The following AKAP9 variants were observed in gnomAD, a reference collection of about 807,000 sequenced individuals.
AKAP9 encodes A-kinase anchor protein 9.
A neutral mutation model predicts 488.5 loss-of-function variants in AKAP9; 311 were observed. That is an observed-to-expected ratio of 0.64 (90% CI 0.58 to 0.70). The LOEUF (loss-of-function observed/expected upper bound fraction) is 0.70, where lower values mean the gene tolerates loss of function less well. AKAP9 is among the 30% of genes least tolerant of loss of function. The pLI is 0.00. For synonymous variants in AKAP9, 1,462 were observed against 1,483.5 expected (o/e 0.99, Z 0.33); for missense variants, 4,215 against 4,374.5 (o/e 0.96, Z 1.03).
At position 92,012,973 on chromosome 7, in the gene AKAP9, A is replaced by ATTTTTTTTT. The variant is rs749688986; in HGVS notation, c.3532+359_3532+367dup. Among the ~76,000 whole-genome samples, 31 of 60,754 alleles carry ATTTTTTTTT rather than the reference A, an allele frequency of 5.1e-4. 4 individuals carry two copies. The highest frequency in any genetic ancestry group is 6.9e-4 in the African/African-American group (9 of 13,038). 39.9% of individuals were successfully genotyped at this position (60,754 alleles called of 152,430 possible). The stretch of plus-strand genomic sequence containing the variant: ...GGTGGTAGACAGTGGTGGGGTTGGA[A>ATTTTTTTTT]TTTTTTTTTTTTTTTTTTTTTTTTT... On this transcript the variant is annotated intron_variant, in intron 9 of 49. Coordinates refer to ENST00000356239, the MANE Select transcript of AKAP9 (RefSeq NM_005751.5).
chr7:91,970,970 T>C (rs146296819), intron 1 of AKAP9, among the ~76,000 whole-genome samples: 37 of 152,236 alleles, frequency 2.4e-4, no homozygotes, highest in African/African-American at 8.7e-4. Flanking sequence ...TTATATTATG[T>C]AGTGCTGAAA....
At chr7:92,030,038 T>A in intron 15 of AKAP9, 47 bp downstream of exon 15, 1 of 1,253,858 alleles carries the variant, frequency 8.0e-7, no homozygotes, top group East Asian at 2.5e-5. Flanking sequence ...ATACACTGAT[T>A]TTTCTATCAT....
At chr7:92,102,233 T>C (rs1312539855) in intron 45 of AKAP9, among the ~76,000 whole-genome samples, 2 of 147,782 alleles carry the variant, frequency 1.4e-5, no homozygotes, top group African/African-American at 2.5e-5. Flanking sequence ...TAAAAATAGC[T>C]CTGTACAATT....
Position 92,001,310 on chromosome 7 carries a change from A to C in AKAP9, c.1393A>C (p.Thr465Pro). Reference protein sequence around the residue: ...QHMAQMEEMKTRHKGEMENAL... With the variant: ...QHMAQMEEMKPRHKGEMENAL... ...CATGGCACAGATGGAGGAAATGAAA[A>C]CACGGCATAAGGGAGAAATGGAGAA... The change falls in exon 8 of 50, where the codon ACA becomes CCA. Residue 465 changes from threonine (T) to proline (P), a missense_variant. Thr to Pro is a conservative substitution (Grantham distance 38). Coordinates refer to ENST00000356239, the MANE Select transcript of AKAP9 (RefSeq NM_005751.5). 6.2e-7 allele frequency: 1 copy of C among 1,614,014 alleles called. No individual in the cohort carries two copies. The highest frequency in any genetic ancestry group is 2.2e-5 in the East Asian group (1 of 44,880).
At chr7:92,015,994 G>T (rs914845240) in intron 10 of AKAP9, 135 bp from the exon 11 acceptor site, 2 of 657,912 alleles carry the variant, frequency 3.0e-6, no homozygotes, top group Admixed American at 2.5e-5. Flanking sequence ...ATTGATAAGG[G>T]TATGGAGAGA....
chr7:91,983,484 C>A (rs1347183108), intron 3 of AKAP9, among the ~76,000 whole-genome samples: 6 of 152,156 alleles, frequency 3.9e-5, no homozygotes, highest in Non-Finnish European at 8.8e-5. Flanking sequence ...CAAGTTTTTG[C>A]TATTGTGAAT....
rs1477036337 is a variant in AKAP9, at chr7:92,007,722, T to A, written c.3318+4487T>A. Among the ~76,000 whole-genome samples the A allele has an allele frequency of 2.0e-5, 3 of 152,180 alleles. No individual in the cohort carries two copies. In the East Asian group the frequency reaches 5.8e-4, roughly 29 times the overall value. On this transcript the variant is annotated intron_variant, in intron 8 of 49. Coordinates refer to ENST00000356239, the MANE Select transcript of AKAP9 (RefSeq NM_005751.5). ...TTCAACTTAGTAATTGGTTTATAGT[T>A]TATCTGGAGAAGAAATGCACAAGAA... is the stretch of plus-strand genomic sequence containing the variant.
chr7:92,025,150 T>G (rs75237609), intron 14 of AKAP9, among the ~76,000 whole-genome samples: 1,607 of 152,314 alleles, frequency 0.011, 25 homozygotes, highest in African/African-American at 0.037. Flanking sequence ...CTTTCTGATA[T>G]GAAACAAAAT....
At chr7:91,949,335 CT>C (rs1296519917) in intron 1 of AKAP9, among the ~76,000 whole-genome samples, 13 of 151,918 alleles carry the variant, frequency 8.6e-5, no homozygotes, top group Non-Finnish European at 1.6e-4. Flanking sequence ...GTGATAGGTT[CT>C]TGGTGAGTTG....
chr7:91,944,765 T>C (rs1276206081), intron 1 of AKAP9, among the ~76,000 whole-genome samples: 1 of 152,238 alleles, frequency 6.6e-6, no homozygotes, highest in East Asian at 1.9e-4. Context: ...ATGACCATTA[T>C]CCAGAACAGG....
At chr7:91,966,954 T>C (rs1794502430) in intron 1 of AKAP9, among the ~76,000 whole-genome samples, 1 of 152,204 alleles carries the variant, frequency 6.6e-6, no homozygotes, top group Non-Finnish European at 1.5e-5. Context: ...TCCACAAACA[T>C]GGATTTCTTT....
intron 11 of AKAP9, 96 bp downstream of exon 11, chr7:92,016,363 C>T (rs1801511419): frequency 2.2e-6 from 2 of 911,966 alleles, no homozygotes; most frequent in East Asian, 5.4e-5. Context: ...ATCACCCAGC[C>T]AAGTTGTTTT....
At position 92,096,958 on chromosome 7, in the gene AKAP9, A is replaced by G; in HGVS notation, c.9999A>G (p.Gly3333=). ...AGCTGCAGAGCAGTGATGGTACTGG[A>G]CAGTCTCGGCCACCCTTGCCCTCAG... ...HAQLQSSDGT[G]QSRPPLPSED... The change falls in exon 41 of 50, where the codon GGA becomes GGG. Residue 3333 remains glycine (G), a synonymous_variant. Coordinates refer to ENST00000356239, the MANE Select transcript of AKAP9 (RefSeq NM_005751.5). 3 of 1,614,204 alleles carry G rather than the reference A, an allele frequency of 1.9e-6. No individual in the cohort carries two copies. The highest frequency in any genetic ancestry group is 2.5e-6 in the Non-Finnish European group (3 of 1,179,998).
Position 92,038,478 on chromosome 7 carries a change from G to A in AKAP9, c.4398G>A (p.Gly1466=), listed in dbSNP as rs1563028015. The A allele has an allele frequency of 1.9e-6, 3 of 1,613,822 alleles. No homozygotes were observed. The highest frequency in any genetic ancestry group is 1.7e-5 in the Admixed American group (1 of 59,998). The change falls in exon 17 of 50, where the codon GGG becomes GGA. Residue 1466 remains glycine (G), a synonymous_variant. Coordinates refer to ENST00000356239, the MANE Select transcript of AKAP9 (RefSeq NM_005751.5). ...AAACTGAACTGTCTAGAATATCTGG[G>A]GGAAAAGAAAATACTGCATCATCAA... The part of the protein sequence containing the change: ...AQQTELSRIS[G]GKENTASSKQ...
chr7:92,000,960 T>C lies in AKAP9; in HGVS notation c.1043T>C (p.Leu348Pro). The C allele has an allele frequency of 6.6e-7, 1 of 1,525,388 alleles. No individual in the cohort carries two copies. Among genetic ancestry groups the C allele is most frequent in the Non-Finnish European group, 8.8e-7 (1 of 1,134,142 alleles). 94.5% of individuals were successfully genotyped at this position (1,525,388 alleles called of 1,614,324 possible). The change falls in exon 8 of 50, where the codon CTA becomes CCA. Residue 348 changes from leucine to proline, a missense_variant. Around this residue, in one of 5 missense-constraint regions of AKAP9, gnomAD observed 2,361 missense variants for 2,430.0 expected, o/e 0.97. Transcript: ENST00000356239. ...IIEEEKKTLELKDKLTTADKL... is the reference protein window; with the variant it reads ...IIEEEKKTLEPKDKLTTADKL... ...GAAGAAGAAAAGAAAACTCTTGAGCTAAAGGATAAATTAACAACTGCTGAT... is the reference window on the plus strand; with the variant it reads ...GAAGAAGAAAAGAAAACTCTTGAGCCAAAGGATAAATTAACAACTGCTGAT...
intron 1 of AKAP9, among the ~76,000 whole-genome samples, chr7:91,968,029 C>T (rs1016892364): frequency 2.0e-5 from 3 of 152,132 alleles, no homozygotes; most frequent in Non-Finnish European, 4.4e-5. Flanking sequence ...CCTCTGCCTC[C>T]TGGGCTCAAG....
At chr7:91,989,181 T>A (rs1797471260) in intron 3 of AKAP9, among the ~76,000 whole-genome samples, 1 of 152,194 alleles carries the variant, frequency 6.6e-6, no homozygotes, top group African/African-American at 2.4e-5. Context: ...CTGATAATAT[T>A]TGATTAGAAC....
At chr7:92,063,432 C>CTTTTTTTTTTT (rs35933206) in intron 24 of AKAP9, 1 of 837,778 alleles carries the variant, frequency 1.2e-6, no homozygotes. Flanking sequence ...TTTGTTGTGT[C>CTTTTTTTTTTT]TTTTTTTTTT....
At chr7:91,947,312 A>G (rs1254523406) in intron 1 of AKAP9, among the ~76,000 whole-genome samples, 1 of 151,992 alleles carries the variant, frequency 6.6e-6, no homozygotes, top group African/African-American at 2.4e-5. Flanking sequence ...TTGAATGCCT[A>G]CGACTGCAGC....
Sources: allele counts gnomAD v4.1 joint callset (sites outside exome capture counted in the v4.1 genomes callset), GRCh38; gene constraint gnomAD v4.1.1; regional missense constraint gnomAD v4.1.1; transcripts MANE v1.5; gene names NCBI Gene and HGNC (gene_info 2026-07-23, HGNC 2026-07-21).